SLC16A14: variants seen among roughly 807,000 people sequenced by gnomAD.
SLC16A14 encodes the protein monocarboxylate transporter 14.
SLC16A14 carries 14 observed loss-of-function variants against 35.8 expected under a neutral mutation model. That is an observed-to-expected ratio of 0.39 (90% CI 0.26 to 0.61). SLC16A14 has a LOEUF of 0.61. SLC16A14 is among the 20% of genes least tolerant of loss of function. The pLI is 0.51. For missense variants in SLC16A14, 533 were observed against 655.0 expected, an observed-to-expected ratio of 0.81 and a Z score of 2.03; for synonymous variants, 248 against 258.9, an observed-to-expected ratio of 0.96 and a Z score of 0.40.
intron 4 of SLC16A14, among the ~76,000 whole-genome samples, chr2:230,040,133 C>T (rs535377664): frequency 6.6e-6 from 1 of 152,272 alleles, no homozygotes; most frequent in Non-Finnish European, 1.5e-5. Flanking sequence ...TTTTCCCCAT[C>T]CCATCCTTCA....
At chr2:230,041,860 G>T (rs1160872564) in intron 4 of SLC16A14, among the ~76,000 whole-genome samples, 2 of 152,142 alleles carry the variant, frequency 1.3e-5, no homozygotes, top group Admixed American at 6.5e-5. Flanking sequence ...TCTAGCAAGA[G>T]TGCAATGTGG....
chr2:230,067,571 T>TCTCTCTCTCTCTCTCACACA (rs1269765776), intron 1 of SLC16A14, among the ~76,000 whole-genome samples: 2 of 143,720 alleles, frequency 1.4e-5, no homozygotes, highest in African/African-American at 5.6e-5. Flanking sequence ...TCTCTCTCTC[T>TCTCTCTCTCTCTCTCACACA]CACACACACA....
chr2:230,046,670 A>G lies in SLC16A14; in HGVS notation c.456T>C (p.Tyr152=). ...GGGCGAGGGCGCGTCTCTTCTGGAAATACCTGCCCACCATGACCACCGCTG... is the reference window on the plus strand; with the variant it reads ...GGGCGAGGGCGCGTCTCTTCTGGAAGTACCTGCCCACCATGACCACCGCTG... ...YLPAVVMVGR[Y]FQKRRALAQG... The change falls in exon 4 of 5, where the codon TAT becomes TAC. Residue 152 remains tyrosine, a synonymous_variant. Transcript: ENST00000295190. The surrounding 1 kb of genome is among the most constrained non-coding windows in gnomAD (Gnocchi z 5.0). The G allele has an allele frequency of 6.2e-7, 1 of 1,602,966 alleles. No individual in the cohort carries two copies. The highest frequency in any genetic ancestry group is 8.5e-7 in the Non-Finnish European group (1 of 1,179,936).
intron 4 of SLC16A14, among the ~76,000 whole-genome samples, chr2:230,039,743 A>C (rs1008590260): frequency 6.6e-6 from 1 of 152,200 alleles, no homozygotes; most frequent in Non-Finnish European, 1.5e-5. Flanking sequence ...CCACATGATC[A>C]AGTGATTGAG....
chr2:230,055,853 A>G (rs1179649022), intron 2 of SLC16A14, among the ~76,000 whole-genome samples: 1 of 152,202 alleles, frequency 6.6e-6, no homozygotes. Context: ...AACCCCTTAC[A>G]AATATATTTT....
intron 2 of SLC16A14, among the ~76,000 whole-genome samples, chr2:230,050,596 G>A (rs2077652415): frequency 6.6e-6 from 1 of 152,192 alleles, no homozygotes; most frequent in African/African-American, 2.4e-5. Context: ...TTATGTGTGT[G>A]TCTGTGTACA....
intron 4 of SLC16A14, 168 bp downstream of exon 4, chr2:230,045,577 A>G: frequency 1.3e-6 from 1 of 777,926 alleles, no homozygotes; most frequent in Non-Finnish European, 2.1e-6. Context: ...AAAAAGAAAG[A>G]ATAGGCTTTA....
rs2077600903 is a variant in SLC16A14, at chr2:230,045,844, C to T, written c.1282G>A (p.Val428Met). The change falls in exon 4 of 5, where the codon GTG becomes ATG. Residue 428 changes from valine to methionine, a missense_variant. Physicochemically the swap from Val to Met is conservative, Grantham distance 21. Transcript: ENST00000295190. ...TCAATGCCAACCAAGTCTTCAGTCACTACGGGCATTAGGGAGAAATAACCA... is the reference window on the plus strand; with the variant it reads ...TCAATGCCAACCAAGTCTTCAGTCATTACGGGCATTAGGGAGAAATAACCA... Reference protein sequence around the residue: ...SSGYFSLMPVVTEDLVGIEHL... With the variant: ...SSGYFSLMPVMTEDLVGIEHL... 1.9e-6 allele frequency: 3 copies of T among 1,614,052 alleles called. No homozygotes were observed. The highest frequency in any genetic ancestry group is 1.1e-5 in the South Asian group (1 of 91,078).
intron 2 of SLC16A14, among the ~76,000 whole-genome samples, chr2:230,053,779 T>TC (rs1007239433): frequency 3.3e-5 from 5 of 150,702 alleles, no homozygotes; most frequent in African/African-American, 1.2e-4. Flanking sequence ...CGACTTCATC[T>TC]AAAAAAAAAA....
intron 2 of SLC16A14, among the ~76,000 whole-genome samples, chr2:230,051,835 A>T (rs1226822704): frequency 6.6e-6 from 1 of 152,164 alleles, no homozygotes; most frequent in Non-Finnish European, 1.5e-5. Context: ...TAATCCTAAA[A>T]ACTATGAAGG....
At chr2:230,053,515 G>A (rs966374828) in intron 2 of SLC16A14, among the ~76,000 whole-genome samples, 1 of 152,150 alleles carries the variant, frequency 6.6e-6, no homozygotes, top group African/African-American at 2.4e-5. Flanking sequence ...AGGTGTGGTG[G>A]TTCACACCTG....
At position 230,060,685 on chromosome 2, in the gene SLC16A14, T is replaced by TTTG. The variant is rs200909175; in HGVS notation, c.-14-1320_-14-1319insCAA. Among the ~76,000 whole-genome samples the TTTG allele has an allele frequency of 4.3e-3, 635 of 149,376 alleles. 3 individuals carry two copies. The highest frequency in any genetic ancestry group is 0.021 in the Middle Eastern group (6 of 288). On this transcript the variant is annotated intron_variant, in intron 1 of 4. Coordinates refer to ENST00000295190, the MANE Select transcript of SLC16A14 (RefSeq NM_152527.5). Reference sequence around the variant, plus strand: ...CCTGTTTCATTTTTCATGGTTTTTTTTGGGGGGAGGGGATGAGAATTAAGT... The same window carrying TTTG: ...CCTGTTTCATTTTTCATGGTTTTTTTTTGTGGGGGGAGGGGATGAGAATTAAGT...
At position 230,046,701 on chromosome 2, in the gene SLC16A14, T is replaced by C. The variant is rs1214892038; in HGVS notation, c.425A>G (p.Tyr142Cys). 1 of 1,600,102 alleles carries C rather than the reference T, an allele frequency of 6.2e-7. No homozygotes were observed. Among genetic ancestry groups the C allele is most frequent in the East Asian group, 2.2e-5 (1 of 44,888 alleles). The stretch of plus-strand genomic sequence containing the variant: ...GCCCACCATGACCACCGCTGGCAGG[T>C]AGGCCATCCCGCTGCCCAGGCCTGT... ...VAAGLGSGMAYLPAVVMVGRY... is the reference protein window; with the variant it reads ...VAAGLGSGMACLPAVVMVGRY... The change falls in exon 4 of 5, where the codon TAC (tyrosine) becomes TGC (cysteine). Residue 142 changes from tyrosine to cysteine, a missense_variant. Physicochemically the swap from Tyr to Cys is radical, Grantham distance 194. Coordinates refer to ENST00000295190, the MANE Select transcript of SLC16A14 (RefSeq NM_152527.5). This position sits in a 1 kb window ranked among gnomAD's most constrained non-coding sequence, Gnocchi z 5.0.
intron 1 of SLC16A14, among the ~76,000 whole-genome samples, chr2:230,064,801 G>A (rs1217991171): frequency 2.0e-5 from 3 of 152,056 alleles, no homozygotes; most frequent in Admixed American, 6.6e-5. Context: ...ACCTGAGGTC[G>A]GGAGTGTGAG....
chr2:230,042,735 G>A (rs1416482976), intron 4 of SLC16A14, among the ~76,000 whole-genome samples: 1 of 152,194 alleles, frequency 6.6e-6, no homozygotes, highest in African/African-American at 2.4e-5. Flanking sequence ...CTCTAGTACA[G>A]AGGCTGGAAA....
At chr2:230,063,453 T>A (rs4972929) in intron 1 of SLC16A14, among the ~76,000 whole-genome samples, 32,118 of 151,944 alleles carry the variant, frequency 0.21, 3,906 homozygotes, top group Non-Finnish European at 0.27. Context: ...CCTTCAAGAT[T>A]CAGTTAATTT....
intron 1 of SLC16A14, among the ~76,000 whole-genome samples, chr2:230,064,859 A>C (rs2077780293): frequency 1.3e-5 from 2 of 151,912 alleles, no homozygotes; most frequent in African/African-American, 4.8e-5. Context: ...AAAACTACAA[A>C]ATTAGCCGGG....
chr2:230,058,988 A>G, intron 2 of SLC16A14, 106 bp downstream of exon 2: 2 of 1,481,898 alleles, frequency 1.3e-6, no homozygotes, highest in Non-Finnish European at 9.0e-7. Flanking sequence ...AATAGTAGCT[A>G]GTAACATCCA....
At position 230,068,750 on chromosome 2, in the gene SLC16A14, TC is replaced by T. The variant is rs997671894; in HGVS notation, c.-211del. On this transcript the variant is annotated 5_prime_UTR_variant, in exon 1 of 5. Transcript: ENST00000295190. This position sits in a 1 kb window ranked among gnomAD's most constrained non-coding sequence, Gnocchi z 5.1. ...GCTCTGTGAGGGGCTCCCGGGCTCT[TC>T]CGCCGCTCGCTGCCAGGCCAGGTGA... 5.2e-5 allele frequency: 8 copies of T among 152,682 alleles called. No individual in the cohort carries two copies. Among genetic ancestry groups the T allele is most frequent in the Non-Finnish European group, 1.2e-4 (8 of 68,104 alleles). The allele number at this position is 152,682 out of a possible 1,614,324, so 9.5% of individuals were successfully genotyped here.
Sources: allele counts gnomAD v4.1 joint callset (sites outside exome capture counted in the v4.1 genomes callset), GRCh38; gene constraint gnomAD v4.1.1; non-coding constraint Gnocchi (gnomAD v3.1); transcripts MANE v1.5; gene names NCBI Gene and HGNC (gene_info 2026-07-23, HGNC 2026-07-21).